The following ADCY9 variants were observed in gnomAD, a reference collection of about 807,000 sequenced individuals.
The protein encoded by ADCY9 is adenylate cyclase type 9.
In ADCY9, 50 loss-of-function variants were observed where a neutral mutation model predicts 101.5. The ratio of observed to expected loss-of-function variants is 0.49; its 90% CI spans 0.39 to 0.62. The LOEUF (loss-of-function observed/expected upper bound fraction) is 0.62, where lower values mean the gene tolerates loss of function less well. Ranked by LOEUF, ADCY9 falls within the 20% of genes least tolerant of loss-of-function variation. The pLI is 0.00. For missense variants in ADCY9, 1,662 were observed against 1,800.4 expected (o/e 0.92, Z 1.39); for synonymous variants, 905 against 769.3 (o/e 1.18, Z -2.92).
intron 3 of ADCY9, among the ~76,000 whole-genome samples, chr16:4,006,093 C>G (rs2056365389): frequency 6.6e-6 from 1 of 152,130 alleles, no homozygotes; most frequent in Non-Finnish European, 1.5e-5. Context: ...CACCACTGTC[C>G]CGGTGGTTTT....
chr16:4,031,351 A>T (rs1317194956), intron 2 of ADCY9, among the ~76,000 whole-genome samples: 2 of 152,228 alleles, frequency 1.3e-5, no homozygotes, highest in Non-Finnish European at 2.9e-5. Context: ...GGACAAATAT[A>T]GATACACACA....
intron 10 of ADCY9, among the ~76,000 whole-genome samples, chr16:3,972,981 T>C (rs569358486): frequency 6.6e-6 from 1 of 152,340 alleles, no homozygotes; most frequent in Non-Finnish European, 1.5e-5. Context: ...GTACTAAAGC[T>C]GTAATCATCA....
In ADCY9 at chr16:4,045,752, A is replaced by G. The variant is rs568634918; in HGVS notation, c.1694-38194T>C. ...CTCACTCTGTTGCCCAGGCTGCAGTACAGTGGCGCGATCTTGGCTCACTGC... is the reference window on the plus strand; with the variant it reads ...CTCACTCTGTTGCCCAGGCTGCAGTGCAGTGGCGCGATCTTGGCTCACTGC... On this transcript the variant is annotated intron_variant, in intron 2 of 10. Coordinates refer to ENST00000294016, the MANE Select transcript of ADCY9 (RefSeq NM_001116.4). Among the ~76,000 whole-genome samples, 62 of 151,788 alleles carry G rather than the reference A, an allele frequency of 4.1e-4. 1 individual carries two copies. Among genetic ancestry groups the G allele is most frequent in the South Asian group, 3.1e-3 (15 of 4,814 alleles).
intron 5 of ADCY9, among the ~76,000 whole-genome samples, chr16:3,957,616 A>AGCTGG (rs2055914626): frequency 6.6e-6 from 1 of 151,880 alleles, no homozygotes; most frequent in African/African-American, 2.4e-5. Context: ...CCAAAGCTGG[A>AGCTGG]GCTGGGCTGA....
chr16:3,989,939 C>T (rs976257446), intron 5 of ADCY9, among the ~76,000 whole-genome samples: 2 of 152,214 alleles, frequency 1.3e-5, no homozygotes, highest in African/African-American at 4.8e-5. Context: ...GCTATTGTCA[C>T]ATATGCAGAT....
chr16:4,100,920 A>G (rs1307247616), intron 2 of ADCY9, among the ~76,000 whole-genome samples: 2 of 152,224 alleles, frequency 1.3e-5, no homozygotes, highest in African/African-American at 2.4e-5. Flanking sequence ...GGGTAAATGC[A>G]GAGAGCTAAA....
chr16:4,097,463 T>TAC (rs1264389948), intron 2 of ADCY9, among the ~76,000 whole-genome samples: 1 of 17,368 alleles, frequency 5.8e-5, no homozygotes, highest in Non-Finnish European at 1.7e-4. Context: ...CATATATATA[T>TAC]ATATATATAT....
At chr16:4,070,779 C>A (rs945182587) in intron 2 of ADCY9, among the ~76,000 whole-genome samples, 2 of 151,868 alleles carry the variant, frequency 1.3e-5, no homozygotes, top group East Asian at 3.9e-4. Flanking sequence ...CCCATCTACA[C>A]ACAAAAATAC....
intron 2 of ADCY9, among the ~76,000 whole-genome samples, chr16:4,047,742 G>A (rs554801625): frequency 3.9e-5 from 6 of 152,264 alleles, no homozygotes; most frequent in Admixed American, 1.3e-4. Context: ...GACCAAGCAG[G>A]TCCTTGGTTG....
Position 4,044,371 on chromosome 16 carries a change from C to CA in ADCY9, c.1694-36814dup, listed in dbSNP as rs538644888. On this transcript the variant is annotated intron_variant, in intron 2 of 10. Coordinates refer to ENST00000294016, the MANE Select transcript of ADCY9 (RefSeq NM_001116.4). ...CAAAAAAAACAAAAAAACAAAAAAA[C>CA]AAAAAAAAAATTCTAAAACACTAGG... is the stretch of plus-strand genomic sequence containing the variant. Among the ~76,000 whole-genome samples the CA allele has an allele frequency of 4.6e-4, 68 of 147,796 alleles. 1 individual carries two copies. In the South Asian group the frequency reaches 9.6e-3, roughly 21 times the overall value.
At chr16:4,074,109 A>G (rs945265432) in intron 2 of ADCY9, among the ~76,000 whole-genome samples, 3 of 152,118 alleles carry the variant, frequency 2.0e-5, no homozygotes, top group Non-Finnish European at 4.4e-5. Context: ...ATCAAACAGC[A>G]TTGCTCTAAA....
At chr16:4,104,730 T>A (rs570345544) in intron 2 of ADCY9, among the ~76,000 whole-genome samples, 1 of 152,356 alleles carries the variant, frequency 6.6e-6, no homozygotes, top group East Asian at 1.9e-4. Flanking sequence ...CCAGATTTTC[T>A]ACACATTTTT....
chr16:4,046,331 G>A (rs1369401537), intron 2 of ADCY9, among the ~76,000 whole-genome samples: 5 of 150,586 alleles, frequency 3.3e-5, no homozygotes, highest in Non-Finnish European at 7.4e-5. Context: ...CCACGCCCCC[G>A]AACTTATATT....
At chr16:4,055,812 C>T (rs575536165) in intron 2 of ADCY9, among the ~76,000 whole-genome samples, 7 of 151,232 alleles carry the variant, frequency 4.6e-5, no homozygotes, top group Admixed American at 1.3e-4. Flanking sequence ...CCAGCGTGGG[C>T]GACAGAGCGA....
chr16:4,115,587 C>T lies in ADCY9; in HGVS notation c.-43-102G>A. 2 of 961,668 alleles carry T rather than the reference C, an allele frequency of 2.1e-6. No individual in the cohort carries two copies. The highest frequency in any genetic ancestry group is 1.5e-6 in the Non-Finnish European group (1 of 668,302). The allele number at this position is 961,668 out of a possible 1,614,324, so 59.6% of individuals were successfully genotyped here. A position where few individuals can be genotyped will look rare whatever the true frequency, so the allele number is the denominator to read the frequency against. On this transcript the variant is annotated intron_variant, in intron 1 of 10. Coordinates refer to ENST00000294016, the MANE Select transcript of ADCY9 (RefSeq NM_001116.4). The surrounding 1 kb of genome is among the most constrained non-coding windows in gnomAD (Gnocchi z 6.2). ...CCTAAGGGGCGGCTCCAGCACGCGA[C>T]CTGGACAGGCACCATCTGTTCCTGT...
At chr16:4,011,813 T>A (rs2056406376) in intron 2 of ADCY9, among the ~76,000 whole-genome samples, 1 of 151,826 alleles carries the variant, frequency 6.6e-6, no homozygotes, top group Non-Finnish European at 1.5e-5. Flanking sequence ...TTTCCTCATC[T>A]CTAAGGGGAG....
At chr16:4,062,283 A>G (rs2056777841) in intron 2 of ADCY9, among the ~76,000 whole-genome samples, 1 of 152,240 alleles carries the variant, frequency 6.6e-6, no homozygotes, top group Admixed American at 6.5e-5. Flanking sequence ...TGAAAACAGA[A>G]CACTAGAAAA....
intron 2 of ADCY9, among the ~76,000 whole-genome samples, chr16:4,036,754 G>A (rs950448786): frequency 1.3e-5 from 2 of 152,020 alleles, no homozygotes; most frequent in Non-Finnish European, 2.9e-5. Context: ...GAGCCACCAT[G>A]CCCAGCCACA....
At chr16:4,026,679 G>A (rs1198377765) in intron 2 of ADCY9, among the ~76,000 whole-genome samples, 1 of 152,156 alleles carries the variant, frequency 6.6e-6, no homozygotes, top group Admixed American at 6.5e-5. Flanking sequence ...ATGAACTAGA[G>A]ACCCATGCAG....
Sources: gnomAD v4.1 joint callset for allele counts (sites outside exome capture counted in the v4.1 genomes callset) on GRCh38, gnomAD v4.1.1 for gene constraint, Gnocchi (gnomAD v3.1) non-coding constraint, MANE v1.5 for transcripts, NCBI Gene and HGNC (gene_info 2026-07-23, HGNC 2026-07-21) for gene names.